XIRP2: variants seen among roughly 807,000 people sequenced by gnomAD.
XIRP2 encodes xin actin-binding repeat-containing protein 2.
Under a neutral mutation model 277.0 loss-of-function variants are expected in XIRP2, and 236 were observed. The ratio of observed to expected loss-of-function variants is 0.85; its 90% confidence interval spans 0.77 to 0.95. The LOEUF (loss-of-function observed/expected upper bound fraction) is 0.95, where lower values mean the gene tolerates loss of function less well. Ranked by LOEUF, XIRP2 falls within the 40% of genes least tolerant of loss-of-function variation. The pLI is 0.00. For missense variants in XIRP2, 4,640 were observed against 4,157.5 expected (o/e 1.12, Z -3.19); for synonymous variants, 1,490 against 1,416.5 (o/e 1.05, Z -1.17).
At chr2:167,037,543 G>A (rs187456356) in intron 2 of XIRP2, among the ~76,000 whole-genome samples, 22 of 151,512 alleles carry the variant, frequency 1.5e-4, no homozygotes, top group African/African-American at 5.3e-4. Context: ...GTGTGTGTGT[G>A]TGTGTGTGTG....
rs369319942 is a variant in XIRP2, at chr2:167,259,181, G to A, written c.*1364G>A. 72 of 1,613,302 alleles carry A rather than the reference G, an allele frequency of 4.5e-5. No homozygotes were observed. The highest frequency in any genetic ancestry group is 1.0e-4 in the Admixed American group (6 of 59,888). On this transcript the variant is annotated 3_prime_UTR_variant, in exon 11 of 11. Transcript: ENST00000409195. Reference sequence around the variant, plus strand: ...CTTGGATTTAAGGGAATTTGGAAAGGATGTTAAACCTTGGCATGTTGAAAC... The same window carrying A: ...CTTGGATTTAAGGGAATTTGGAAAGAATGTTAAACCTTGGCATGTTGAAAC...
At chr2:166,940,511 GGA>G (rs1685675850) in intron 2 of XIRP2, among the ~76,000 whole-genome samples, 1 of 152,174 alleles carries the variant, frequency 6.6e-6, no homozygotes, top group South Asian at 2.1e-4. Flanking sequence ...CTTTGGAGGT[GGA>G]GAGTCACTCT....
intron 2 of XIRP2, among the ~76,000 whole-genome samples, chr2:167,132,262 A>G (rs370225571): frequency 2.0e-5 from 3 of 152,144 alleles, no homozygotes; most frequent in East Asian, 3.9e-4. Flanking sequence ...TGCTCCCCAC[A>G]TGAGATTTTG....
At chr2:167,036,616 A>C (rs1688513553) in intron 2 of XIRP2, among the ~76,000 whole-genome samples, 1 of 152,116 alleles carries the variant, frequency 6.6e-6, no homozygotes, top group South Asian at 2.1e-4. Flanking sequence ...AAAACTTTGG[A>C]CTGAAGACTT....
intron 3 of XIRP2, among the ~76,000 whole-genome samples, chr2:167,201,260 AAG>A (rs369575681): frequency 1.3e-3 from 109 of 81,918 alleles, no homozygotes; most frequent in African/African-American, 9.3e-3. Flanking sequence ...GAAAGAAAGA[AAG>A]AGAGAGGGAG....
chr2:167,160,300 T>A (rs1692326888), intron 3 of XIRP2, among the ~76,000 whole-genome samples: 1 of 152,126 alleles, frequency 6.6e-6, no homozygotes, highest in South Asian at 2.1e-4. Context: ...GAAACATGGG[T>A]GTTTCCTCCT....
rs566626112 is a variant in XIRP2, at chr2:167,010,473, C to G, written c.408+106583C>G. 8.2e-4 allele frequency among the ~76,000 whole-genome samples: 124 copies of G among 152,032 alleles called. 5 individuals carry two copies. The South Asian group carries it at 0.025, about 30-fold the overall frequency. The stretch of plus-strand genomic sequence containing the variant: ...TACCATGCTGTTTTGGTTACTGTAG[C>G]CTTGTAGTATGGTTTGAAGTCAGGT... On this transcript the variant is annotated intron_variant, in intron 2 of 10. Transcript: ENST00000409195.
chr2:167,151,208 C>T lies in XIRP2; in HGVS notation c.562+15146C>T, dbSNP rs549802788. 1.1e-3 allele frequency among the ~76,000 whole-genome samples: 175 copies of T among 152,206 alleles called. 1 individual carries two copies. Among genetic ancestry groups the T allele is most frequent in the Non-Finnish European group, 1.8e-3 (121 of 67,998 alleles). On this transcript the variant is annotated intron_variant, in intron 3 of 10. Coordinates refer to ENST00000409195, the MANE Select transcript of XIRP2 (RefSeq NM_152381.6). ...AGATTTTGCCTGAATTGTTTGCATTCCATCAGCCTTATAGGATGCAGTTCA... is the reference window on the plus strand; with the variant it reads ...AGATTTTGCCTGAATTGTTTGCATTTCATCAGCCTTATAGGATGCAGTTCA...
intron 2 of XIRP2, among the ~76,000 whole-genome samples, chr2:167,091,029 T>C (rs891655652): frequency 1.3e-5 from 2 of 152,112 alleles, no homozygotes; most frequent in African/African-American, 4.8e-5. Flanking sequence ...TAAAATGTAA[T>C]CCCTAGAGAG....
chr2:167,104,709 T>C (rs2105289277), intron 2 of XIRP2, among the ~76,000 whole-genome samples: 1 of 152,230 alleles, frequency 6.6e-6, no homozygotes, highest in South Asian at 2.1e-4. Context: ...CCACATGAAA[T>C]AGTTGTGTTT....
At chr2:167,022,147 C>T (rs988884689) in intron 2 of XIRP2, among the ~76,000 whole-genome samples, 2 of 151,868 alleles carry the variant, frequency 1.3e-5, no homozygotes, top group African/African-American at 4.8e-5. Context: ...TTTTTTCCTC[C>T]TAAAACACGT....
intron 3 of XIRP2, among the ~76,000 whole-genome samples, chr2:167,156,413 T>C (rs914183394): frequency 5.9e-5 from 9 of 152,148 alleles, no homozygotes; most frequent in Admixed American, 2.0e-4. Flanking sequence ...TGAAACTAGT[T>C]TTAACAGCAA....
intron 2 of XIRP2, among the ~76,000 whole-genome samples, chr2:167,112,713 A>C (rs1690793957): frequency 1.3e-5 from 2 of 151,870 alleles, no homozygotes; most frequent in South Asian, 4.2e-4. Context: ...GTGCAGTGGC[A>C]CAACCTTGGC....
At chr2:166,970,255 T>C (rs1379197317) in intron 2 of XIRP2, among the ~76,000 whole-genome samples, 1 of 151,968 alleles carries the variant, frequency 6.6e-6, no homozygotes, top group African/African-American at 2.4e-5. Context: ...ATGAATAATC[T>C]AAAATGATTT....
At chr2:167,038,235 C>A (rs899156479) in intron 2 of XIRP2, among the ~76,000 whole-genome samples, 1 of 151,832 alleles carries the variant, frequency 6.6e-6, no homozygotes, top group African/African-American at 2.4e-5. Flanking sequence ...AAACAAATTT[C>A]TTGACTTGGG....
chr2:167,226,780 A>T (rs746763811), intron 5 of XIRP2, among the ~76,000 whole-genome samples: 2 of 151,990 alleles, frequency 1.3e-5, no homozygotes, highest in Admixed American at 6.6e-5. Flanking sequence ...AGGTTCCCAC[A>T]TCTCTCTGGG....
chr2:166,904,069 T>A lies in XIRP2; in HGVS notation c.408+179T>A, dbSNP rs547878678. On this transcript the variant is annotated intron_variant, in intron 2 of 10. Transcript: ENST00000409195. ...CCTATTAATTTTCTCTAAGGTCTGC[T>A]TCAATGTGGACTTGACTTCCTTTTT... 2.0e-5 allele frequency among the ~76,000 whole-genome samples: 3 copies of A among 152,266 alleles called. No individual in the cohort carries two copies. In the South Asian group the frequency reaches 6.2e-4, roughly 32 times the overall value.
At chr2:167,240,276 G>T (rs543932483) in intron 6 of XIRP2, among the ~76,000 whole-genome samples, 2 of 152,016 alleles carry the variant, frequency 1.3e-5, no homozygotes, top group African/African-American at 4.8e-5. Flanking sequence ...TTAGCCAGGT[G>T]TGCTGGTATG....
At chr2:167,061,419 C>T (rs1431143946) in intron 2 of XIRP2, among the ~76,000 whole-genome samples, 3 of 152,028 alleles carry the variant, frequency 2.0e-5, no homozygotes, top group African/African-American at 7.2e-5. Context: ...AAATATTTGC[C>T]TTTTTTTCCG....
Sources: allele counts gnomAD v4.1 joint callset (sites outside exome capture counted in the v4.1 genomes callset), GRCh38; gene constraint gnomAD v4.1.1; transcripts MANE v1.5; gene names NCBI Gene and HGNC (gene_info 2026-07-23, HGNC 2026-07-21).